Variants in PATJ observed in about 807,000 individuals in gnomAD.
The protein encoded by PATJ is PATJ crumbs cell polarity complex component.
PATJ carries 190 observed loss-of-function variants against 224.9 expected under a neutral mutation model. The ratio of observed to expected loss-of-function variants is 0.84; its 90% confidence interval spans 0.75 to 0.95. PATJ has a LOEUF of 0.95. PATJ is among the 40% of genes least tolerant of loss of function. The pLI, the probability that PATJ is intolerant of heterozygous loss-of-function variation, is 0.00. For synonymous variants in PATJ, 769 were observed against 820.3 expected, an observed-to-expected ratio of 0.94 and a Z score of 1.07; for missense variants, 2,121 against 2,270.3, an observed-to-expected ratio of 0.93 and a Z score of 1.34.
intron 30 of PATJ, 63 bp from the exon 31 acceptor site, chr1:62,050,903 A>T: frequency 8.3e-7 from 1 of 1,201,294 alleles, no homozygotes; most frequent in Non-Finnish European, 1.2e-6. Context: ...GAGTATCTGT[A>T]CAATTCGAGG....
In PATJ at chr1:61,775,410, A is replaced by T. The variant is rs530322504; in HGVS notation, c.849+76A>T. 11 of 1,285,116 alleles carry T rather than the reference A, an allele frequency of 8.6e-6. No individual in the cohort carries two copies. In the African/African-American group the frequency reaches 1.0e-4, roughly 12 times the overall value. 79.6% of individuals were successfully genotyped at this position (1,285,116 alleles called of 1,614,324 possible). A position where few individuals can be genotyped will look rare whatever the true frequency, so the allele number is the denominator to read the frequency against. ...ATGAATTGAAATGTAATTTTATAACATGAGTTACCAGGATATATGACTTAA... is the reference window on the plus strand; with the variant it reads ...ATGAATTGAAATGTAATTTTATAACTTGAGTTACCAGGATATATGACTTAA... On this transcript the variant is annotated intron_variant, in intron 7 of 43. Coordinates refer to ENST00000642238, the MANE Select transcript of PATJ (RefSeq NM_001350145.3).
intron 30 of PATJ, 48 bp from the exon 31 acceptor site, chr1:62,050,918 G>A (rs780286053): frequency 1.5e-6 from 2 of 1,364,600 alleles, no homozygotes; most frequent in Admixed American, 1.7e-5. Flanking sequence ...TCGAGGGAGT[G>A]TAAGTGAAGA....
chr1:61,864,825 C>T (rs1665153544), intron 20 of PATJ, among the ~76,000 whole-genome samples, 192 bp downstream of exon 20: 1 of 152,168 alleles, frequency 6.6e-6, no homozygotes, highest in South Asian at 2.1e-4. Context: ...CACATCTTCT[C>T]ATGGGGGTCA....
At chr1:61,776,303 C>T (rs1646909597) in intron 7 of PATJ, among the ~76,000 whole-genome samples, 1 of 152,116 alleles carries the variant, frequency 6.6e-6, no homozygotes, top group Non-Finnish European at 1.5e-5. Context: ...ACAATAATAC[C>T]ACAATGTTAT....
chr1:61,983,860 T>C (rs1644586255), intron 27 of PATJ, among the ~76,000 whole-genome samples: 1 of 152,032 alleles, frequency 6.6e-6, no homozygotes, highest in Admixed American at 6.6e-5. Context: ...GGTCTTGCTC[T>C]GTCACCCAGG....
At chr1:61,799,714 C>G (rs1018594896) in intron 11 of PATJ, among the ~76,000 whole-genome samples, 3 of 152,074 alleles carry the variant, frequency 2.0e-5, no homozygotes, top group African/African-American at 7.2e-5. Context: ...GCTCCACCAG[C>G]CTCCTTCATC....
At position 61,866,621 on chromosome 1, in the gene PATJ, C is replaced by T. The variant is rs528302342; in HGVS notation, c.2835+1988C>T. Reference sequence around the variant, plus strand: ...CTTATCTCAAGTGTCATTTGTGTAACGTTAAGTTAAAAAAAAAAATCCCTC... The same window carrying T: ...CTTATCTCAAGTGTCATTTGTGTAATGTTAAGTTAAAAAAAAAAATCCCTC... On this transcript the variant is annotated intron_variant, in intron 20 of 43. Transcript: ENST00000642238. Among the ~76,000 whole-genome samples the T allele has an allele frequency of 1.3e-4, 20 of 151,024 alleles. No individual in the cohort carries two copies. The South Asian group carries it at 2.5e-3, about 19-fold the overall frequency.
intron 27 of PATJ, among the ~76,000 whole-genome samples, chr1:61,973,619 G>A (rs866846416): frequency 2.6e-5 from 4 of 151,890 alleles, no homozygotes; most frequent in Non-Finnish European, 4.4e-5. Flanking sequence ...GAGCATTATT[G>A]CATGACTGTG....
At chr1:61,861,289 T>C (rs1048746260) in intron 18 of PATJ, among the ~76,000 whole-genome samples, 2 of 94,922 alleles carry the variant, frequency 2.1e-5, no homozygotes, top group African/African-American at 4.7e-5. Flanking sequence ...TCTTTCTTTT[T>C]TTTTTTTTTT....
chr1:62,059,192 A>G (rs992049547), intron 31 of PATJ, among the ~76,000 whole-genome samples: 20 of 152,202 alleles, frequency 1.3e-4, no homozygotes, highest in African/African-American at 4.8e-4. Flanking sequence ...CCAAGTCAGC[A>G]GGGGTTGGCT....
chr1:61,852,019 G>A (rs1662888433), intron 17 of PATJ, among the ~76,000 whole-genome samples: 1 of 147,682 alleles, frequency 6.8e-6, no homozygotes, highest in Admixed American at 6.9e-5. Context: ...ACTAAAAATA[G>A]AAAAATTAGC....
intron 30 of PATJ, among the ~76,000 whole-genome samples, chr1:62,042,553 C>T (rs1248099014): frequency 6.6e-6 from 1 of 151,962 alleles, no homozygotes; most frequent in Non-Finnish European, 1.5e-5. Context: ...TTAAATTGGA[C>T]CTGATAATAA....
chr1:61,954,879 G>A (rs1680225347), intron 27 of PATJ, among the ~76,000 whole-genome samples: 1 of 151,034 alleles, frequency 6.6e-6, no homozygotes, highest in African/African-American at 2.4e-5. Context: ...TCAGCCTTCT[G>A]AGTAGCTGGG....
intron 14 of PATJ, among the ~76,000 whole-genome samples, chr1:61,813,710 T>C (rs1184294429): frequency 1.3e-5 from 2 of 151,908 alleles, no homozygotes; most frequent in Non-Finnish European, 2.9e-5. Context: ...GCAGGGAACA[T>C]AGGAAATTCA....
At chr1:61,881,962 A>G (rs978798970) in intron 21 of PATJ, among the ~76,000 whole-genome samples, 2 of 152,240 alleles carry the variant, frequency 1.3e-5, no homozygotes, top group Admixed American at 6.5e-5. Context: ...TTCGGAAAAC[A>G]GTATACTCAT....
intron 41 of PATJ, among the ~76,000 whole-genome samples, chr1:62,136,742 T>C (rs1666945825): frequency 6.6e-6 from 1 of 151,752 alleles, no homozygotes; most frequent in Non-Finnish European, 1.5e-5. Flanking sequence ...TCTCACTCTG[T>C]CCCCCAGGCT....
rs543716014 is a variant in PATJ at position 61,810,855 on chromosome 1, C to T, written c.1683+2325C>T. Reference sequence around the variant, plus strand: ...AGGAGAATCACTTGAACCCGGGAGGCGGATGTTGCAATGAGCTGAGATCGC... The same window carrying T: ...AGGAGAATCACTTGAACCCGGGAGGTGGATGTTGCAATGAGCTGAGATCGC... On this transcript the variant is annotated intron_variant, in intron 14 of 43. Coordinates refer to ENST00000642238, the MANE Select transcript of PATJ (RefSeq NM_001350145.3). Among the ~76,000 whole-genome samples the T allele has an allele frequency of 3.6e-4, 54 of 151,986 alleles. 1 individual carries two copies. Among genetic ancestry groups the T allele is most frequent in the African/African-American group, 1.3e-3 (53 of 41,512 alleles).
At chr1:62,012,370 G>A (rs1646504588) in intron 28 of PATJ, among the ~76,000 whole-genome samples, 1 of 152,222 alleles carries the variant, frequency 6.6e-6, no homozygotes, top group South Asian at 2.1e-4. Flanking sequence ...ATCTAAATGA[G>A]ATACTGTGCA....
chr1:61,798,938 A>C (rs1239105257), intron 11 of PATJ, among the ~76,000 whole-genome samples: 1 of 152,074 alleles, frequency 6.6e-6, no homozygotes, highest in African/African-American at 2.4e-5. Context: ...GAAATACTTC[A>C]ATTAGAATTT....
Sources: gnomAD v4.1 joint callset for allele counts (sites outside exome capture counted in the v4.1 genomes callset) on GRCh38, gnomAD v4.1.1 for gene constraint, MANE v1.5 for transcripts, NCBI Gene and HGNC (gene_info 2026-07-23, HGNC 2026-07-21) for gene names.